The following SHANK2 variants were observed in gnomAD, a reference collection of about 807,000 sequenced individuals.
SHANK2 encodes the protein SH3 and multiple ankyrin repeat domains protein 2.
SHANK2 carries 43 observed loss-of-function variants against 133.7 expected under a neutral mutation model. The ratio of observed to expected loss-of-function variants is 0.32; its 90% CI spans 0.25 to 0.41. SHANK2 has a LOEUF of 0.41. Ranked by LOEUF, SHANK2 falls within the 10% of genes least tolerant of loss-of-function variation. The pLI is 1.00. For synonymous variants in SHANK2, 1,017 were observed against 952.8 expected (o/e 1.07, Z -1.24); for missense variants, 1,994 against 2,235.8 (o/e 0.89, Z 2.18).
chr11:70,771,312 G>A (rs1378737843), intron 14 of SHANK2, among the ~76,000 whole-genome samples: 1 of 152,160 alleles, frequency 6.6e-6, no homozygotes, highest in Non-Finnish European at 1.5e-5. Context: ...AGACATGGAG[G>A]GCCAGGCACC....
intron 6 of SHANK2, among the ~76,000 whole-genome samples, chr11:71,096,788 A>C (rs782191980): frequency 3.3e-5 from 5 of 152,162 alleles, no homozygotes; most frequent in Non-Finnish European, 7.3e-5. Flanking sequence ...CAGATTTTTT[A>C]AAAGATATTT....
intron 17 of SHANK2, chr11:70,631,374 T>TCACA (rs2060983627): frequency 5.5e-5 from 2 of 36,388 alleles, no homozygotes; most frequent in African/African-American, 1.9e-4. Context: ...GTTCCCGGAG[T>TCACA]TACACACACA....
chr11:70,756,729 C>G (rs1281618512), intron 14 of SHANK2, among the ~76,000 whole-genome samples: 1 of 152,214 alleles, frequency 6.6e-6, no homozygotes, highest in Non-Finnish European at 1.5e-5. Flanking sequence ...GCCCCACACC[C>G]CTATCATCTC....
chr11:71,164,446 C>T (rs1228121497), intron 2 of SHANK2, among the ~76,000 whole-genome samples: 2 of 152,164 alleles, frequency 1.3e-5, no homozygotes, highest in African/African-American at 4.8e-5. Flanking sequence ...CACAGAATAA[C>T]CCAGCGGGCC....
chr11:70,500,196 G>A lies in SHANK2; in HGVS notation c.2308+374C>T, dbSNP rs2059029778. ...GGTGATTTCCGGGCCTTAAAGGGAG[G>A]CAGTTCCTGCCCACCACAAAGGGGT... On this transcript the variant is annotated intron_variant, in intron 21 of 25. Transcript: ENST00000601538. The surrounding 1 kb of genome is among the most constrained non-coding windows in gnomAD (Gnocchi z 4.5). 6.6e-6 allele frequency among the ~76,000 whole-genome samples: 1 copy of A among 152,116 alleles called. No individual in the cohort carries two copies. Among genetic ancestry groups the A allele is most frequent in the South Asian group, 2.1e-4 (1 of 4,828 alleles).
intron 11 of SHANK2, among the ~76,000 whole-genome samples, chr11:70,853,748 G>A (rs983643209): frequency 2.0e-5 from 3 of 152,150 alleles, no homozygotes; most frequent in Admixed American, 6.5e-5. Context: ...AATCTTAGAG[G>A]CCAAGAGTCC....
At chr11:70,731,956 G>A (rs971013913) in intron 14 of SHANK2, among the ~76,000 whole-genome samples, 3 of 152,052 alleles carry the variant, frequency 2.0e-5, no homozygotes, top group African/African-American at 7.2e-5. Flanking sequence ...CTCACTTCCT[G>A]GATGCTCCTG....
chr11:71,214,075 C>T (rs782806894), intron 2 of SHANK2, among the ~76,000 whole-genome samples: 8 of 152,320 alleles, frequency 5.3e-5, no homozygotes, highest in South Asian at 4.2e-4. Context: ...TGCAGTGACT[C>T]ACCTGGCCTG....
intron 12 of SHANK2, among the ~76,000 whole-genome samples, chr11:70,813,868 CTG>C (rs1555053712): frequency 6.6e-6 from 1 of 152,194 alleles, no homozygotes; most frequent in East Asian, 1.9e-4. Flanking sequence ...CACGCTGCCT[CTG>C]TGATTCTGGT....
rs369825966 is a variant in SHANK2, at chr11:71,092,530, C to T, written c.804G>A (p.Leu268=). The T allele has an allele frequency of 3.9e-6, 6 of 1,551,714 alleles. No individual in the cohort carries two copies. The South Asian group carries it at 5.9e-5, about 15-fold the overall frequency. ...CACCTCCGACGATGGCTGTGTGATACAGCGGGGTGAGGCCGTAACTGTCTT... is the reference window on the plus strand; with the variant it reads ...CACCTCCGACGATGGCTGTGTGATATAGCGGGGTGAGGCCGTAACTGTCTT... ...DYKDSYGLTP[L]YHTAIVGGDP... is the part of the protein sequence containing the mutation. Residue 268 remains leucine (L), a synonymous_variant, in exon 8 of 26, where the codon CTG becomes CTA. Transcript: ENST00000601538.
chr11:70,536,983 C>T (rs1051902275), intron 17 of SHANK2, among the ~76,000 whole-genome samples: 18 of 152,298 alleles, frequency 1.2e-4, no homozygotes, highest in South Asian at 6.2e-4. Flanking sequence ...TTTTCTGAGC[C>T]GTGTTGAGTG....
At chr11:70,701,742 C>G (rs111505057) in intron 14 of SHANK2, among the ~76,000 whole-genome samples, 7 of 152,256 alleles carry the variant, frequency 4.6e-5, no homozygotes, top group African/African-American at 1.7e-4. Context: ...TCTCTGACTG[C>G]TTCATGCAGG....
intron 9 of SHANK2, among the ~76,000 whole-genome samples, chr11:71,072,986 T>C (rs1336170335): frequency 1.3e-5 from 2 of 152,042 alleles, no homozygotes; most frequent in South Asian, 2.1e-4. Context: ...TGCATAGCCA[T>C]GTAAATGTAC....
chr11:70,609,147 C>T (rs1235664749), intron 17 of SHANK2, among the ~76,000 whole-genome samples: 2 of 152,210 alleles, frequency 1.3e-5, no homozygotes, highest in African/African-American at 2.4e-5. Context: ...AGGGCCTGGC[C>T]GGCTCCCACC....
intron 8 of SHANK2, among the ~76,000 whole-genome samples, chr11:71,085,657 T>TAACATATTATATGTTA (rs1565441558): frequency 4.8e-4 from 7 of 14,700 alleles, no homozygotes; most frequent in South Asian, 5.4e-3. Context: ...ATGTTATATA[T>TAACATATTATATGTTA]TATATTATAT....
At chr11:70,806,763 T>C (rs768697187) in intron 13 of SHANK2, among the ~76,000 whole-genome samples, 95 of 152,182 alleles carry the variant, frequency 6.2e-4, no homozygotes, top group Non-Finnish European at 1.2e-3. Context: ...TGGAATCTCA[T>C]TCCCAGTGGA....
At chr11:70,564,530 G>A (rs1418222408) in intron 17 of SHANK2, among the ~76,000 whole-genome samples, 17 of 152,120 alleles carry the variant, frequency 1.1e-4, no homozygotes, top group Admixed American at 1.1e-3. Flanking sequence ...AAAGTGCTGG[G>A]ATTACAGGCA....
At chr11:70,800,723 C>T (rs1340684937) in intron 13 of SHANK2, among the ~76,000 whole-genome samples, 1 of 152,226 alleles carries the variant, frequency 6.6e-6, no homozygotes, top group African/African-American at 2.4e-5. Flanking sequence ...CTGTGGGCTC[C>T]TCTCAGCCCA....
chr11:71,249,925 C>G (rs1948150464), intron 1 of SHANK2, among the ~76,000 whole-genome samples: 1 of 152,196 alleles, frequency 6.6e-6, no homozygotes, highest in Non-Finnish European at 1.5e-5. Context: ...CTGATATCAC[C>G]TGGCTCCCCA....
Sources: gnomAD v4.1 joint callset for allele counts (sites outside exome capture counted in the v4.1 genomes callset) on GRCh38, gnomAD v4.1.1 for gene constraint, Gnocchi (gnomAD v3.1) non-coding constraint, MANE v1.5 for transcripts, NCBI Gene and HGNC (gene_info 2026-07-23, HGNC 2026-07-21) for gene names.